The following SLC43A3 variants were observed in gnomAD, a reference collection of about 807,000 sequenced individuals.
SLC43A3 encodes solute carrier family 43 member 3, also known as equilibrative nucleobase transporter 1.
Under a neutral mutation model 53.3 loss-of-function variants are expected in SLC43A3, and 33 were observed. That is an observed-to-expected ratio of 0.62 (90% CI 0.47 to 0.83). The LOEUF is 0.83. SLC43A3 is among the 40% of genes least tolerant of loss of function. The pLI is 0.00. For missense variants in SLC43A3, 530 were observed against 610.0 expected, an observed-to-expected ratio of 0.87 and a Z score of 1.38; for synonymous variants, 236 against 246.2, an observed-to-expected ratio of 0.96 and a Z score of 0.39.
intron 7 of SLC43A3, among the ~76,000 whole-genome samples, chr11:57,420,552 A>G (rs939875366): frequency 6.6e-6 from 1 of 152,198 alleles, no homozygotes; most frequent in Non-Finnish European, 1.5e-5. Flanking sequence ...GGACAGCTGG[A>G]CAAGCCTCTG....
Position 57,407,663 on chromosome 11 carries a change from T to A in SLC43A3, c.*129A>T. On this transcript the variant is annotated 3_prime_UTR_variant, in exon 14 of 14. Transcript: ENST00000395124. ...GCGCAGACGTCCTTGTGTGTCTTTA[T>A]TTTGTGTGTGTGTGTGTGTGTGTGT... 1.8e-6 allele frequency: 1 copy of A among 554,814 alleles called. No individual in the cohort carries two copies. The highest frequency in any genetic ancestry group is 2.2e-5 in the South Asian group (1 of 44,602). 34.4% of individuals were successfully genotyped at this position (554,814 alleles called of 1,614,324 possible).
rs1343071994 is a variant in SLC43A3, at chr11:57,407,735, A to G, written c.*57T>C. ...AGTCTTTTGGGACACGAGGTCCTCA[A>G]AGGTGGTGGAAGATGAACAAAACCA... On this transcript the variant is annotated 3_prime_UTR_variant, in exon 14 of 14. Coordinates refer to ENST00000395124, the MANE Select transcript of SLC43A3 (RefSeq NM_199329.3). 2 of 1,060,878 alleles carry G rather than the reference A, an allele frequency of 1.9e-6. No individual in the cohort carries two copies. Among genetic ancestry groups the G allele is most frequent in the Non-Finnish European group, 2.9e-6 (2 of 683,046 alleles). 65.7% of individuals were successfully genotyped at this position (1,060,878 alleles called of 1,614,324 possible).
intron 7 of SLC43A3, among the ~76,000 whole-genome samples, chr11:57,420,599 C>G (rs1042440552): frequency 2.6e-5 from 4 of 152,200 alleles, no homozygotes; most frequent in African/African-American, 9.7e-5. Flanking sequence ...CACTTGCCAC[C>G]TTCTTGTCCA....
In SLC43A3 at chr11:57,416,665, C is replaced by A. The variant is rs371678588; in HGVS notation, c.677G>T (p.Cys226Phe). ...PLPPNYSYGL[C>F]PGNGTTKEEK... is the part of the protein sequence containing the mutation. Reference sequence around the variant, plus strand: ...TTCCTTTGTGGTGCCATTCCCAGGGCACAGGCTATGGAAACAAAAGCCCCA... The same window carrying A: ...TTCCTTTGTGGTGCCATTCCCAGGGAACAGGCTATGGAAACAAAAGCCCCA... Residue 226 changes from cysteine (C) to phenylalanine (F), a missense_variant, in exon 9 of 14, where the codon TGC (cysteine) becomes TTC (phenylalanine). By Grantham distance (205) the Cys-to-Phe change is radical. Transcript: ENST00000395124. 2 of 1,613,836 alleles carry A rather than the reference C, an allele frequency of 1.2e-6. No homozygotes were observed. Among genetic ancestry groups the A allele is most frequent in the Non-Finnish European group, 1.7e-6 (2 of 1,179,912 alleles).
intron 13 of SLC43A3, 41 bp from the exon 14 acceptor site, chr11:57,407,937 G>A (rs768451506): frequency 1.5e-6 from 2 of 1,328,628 alleles, no homozygotes; most frequent in East Asian, 2.3e-5. Flanking sequence ...CAGGAATTCT[G>A]AACAACAGAA....
At chr11:57,414,859 T>TACAG in intron 10 of SLC43A3, 74 bp downstream of exon 10, 1 of 1,574,402 alleles carries the variant, frequency 6.4e-7, no homozygotes. Context: ...CTCTGGTGTG[T>TACAG]ACAGCCCTGC....
chr11:57,421,145 C>CTCCTTATACCCAAACTCACCTCAA, intron 6 of SLC43A3, 81 bp from the exon 7 acceptor site: 1 of 1,259,686 alleles, frequency 7.9e-7, no homozygotes, highest in Non-Finnish European at 1.2e-6. Flanking sequence ...GTGGCAGACC[C>CTCCTTATACCCAAACTCACCTCAA]TCCTTATACC....
At chr11:57,416,533 T>C in intron 9 of SLC43A3, 40 bp downstream of exon 9, 2 of 1,530,136 alleles carry the variant, frequency 1.3e-6, no homozygotes, top group Non-Finnish European at 1.8e-6. Context: ...AAGGAGAGGC[T>C]TGGGTCTGGA....
chr11:57,417,733 C>T lies in SLC43A3; in HGVS notation c.671+15G>A, dbSNP rs1315514136. The T allele has an allele frequency of 3.7e-6, 6 of 1,613,906 alleles. No individual in the cohort carries two copies. The highest frequency in any genetic ancestry group is 1.7e-5 in the Admixed American group (1 of 59,996). ...AATGAGGGGCTCTGGCCCACAATCA[C>T]CAGATAGTCCTTACCCATAGCTGTA... On this transcript the variant is annotated intron_variant, in intron 8 of 13. Coordinates refer to ENST00000395124, the MANE Select transcript of SLC43A3 (RefSeq NM_199329.3).
At chr11:57,419,591 A>G (rs1319489454) in intron 7 of SLC43A3, among the ~76,000 whole-genome samples, 2 of 152,156 alleles carry the variant, frequency 1.3e-5, no homozygotes, top group African/African-American at 4.8e-5. Context: ...TGAGGTCAAG[A>G]GTTCAAGACC....
chr11:57,408,672 G>A (rs1470106771), intron 13 of SLC43A3: 1 of 155,296 alleles, frequency 6.4e-6, no homozygotes, highest in Admixed American at 6.2e-5. Context: ...GGCAAATAGA[G>A]CTGTGCAGTA....
chr11:57,411,979 TA>T (rs1324152991), intron 11 of SLC43A3, among the ~76,000 whole-genome samples: 1 of 152,060 alleles, frequency 6.6e-6, no homozygotes, highest in African/African-American at 2.4e-5. Flanking sequence ...GTATTTATGA[TA>T]TTTTTCTTAT....
intron 11 of SLC43A3, among the ~76,000 whole-genome samples, chr11:57,413,910 TC>T (rs1483629856): frequency 6.6e-6 from 1 of 152,172 alleles, no homozygotes; most frequent in African/African-American, 2.4e-5. Flanking sequence ...TACTCATCCT[TC>T]AGGTCTTGGC....
rs564824714 is a variant in SLC43A3, at chr11:57,414,571, CTTCCTGGT to C, written c.1060+36_1060+43del. 2.8e-4 allele frequency: 305 copies of C among 1,081,048 alleles called. 1 individual carries two copies. The South Asian group carries it at 3.6e-3, about 13-fold the overall frequency. The allele number at this position is 1,081,048 out of a possible 1,614,324, so 67.0% of individuals were successfully genotyped here. ...TGTCATGGGGTAAATGAAGACCTCC[CTTCCTGGT>C]TCCCTGACCAGCCCCTGCCCTCCCC... On this transcript the variant is annotated intron_variant, in intron 11 of 13. Coordinates refer to ENST00000395124, the MANE Select transcript of SLC43A3 (RefSeq NM_199329.3).
At position 57,426,141 on chromosome 11, in the gene SLC43A3, G is replaced by A; in HGVS notation, c.32C>T (p.Ala11Val). The change falls in exon 3 of 14, where the codon GCC becomes GTC. Residue 11 changes from alanine (A) to valine (V), a missense_variant. By Grantham distance (64) the Ala-to-Val change is moderately conservative. Transcript: ENST00000395124. ...TTCCAGCAGCCCAGTCAGCAGTGTG[G>A]CCACGTGCAGGGGCAGGCCCTGGCC... MAGQGLPLHV[A>V]TLLTGLLECL... 16 of 1,614,182 alleles carry A rather than the reference G, an allele frequency of 9.9e-6. No homozygotes were observed. The highest frequency in any genetic ancestry group is 1.4e-5 in the Non-Finnish European group (16 of 1,180,018).
chr11:57,425,480 AG>A, intron 4 of SLC43A3, 60 bp downstream of exon 4: 1 of 1,568,288 alleles, frequency 6.4e-7, no homozygotes. Flanking sequence ...ACTCCAAGCT[AG>A]GCTGCTGCCT....
rs375000008 is a variant in SLC43A3, at chr11:57,421,035, C to T, written c.468G>A (p.Ser156=). ...QIGNLFGQHR[S]TIITLYNGAF... is the part of the protein sequence containing the mutation. ...CTCCATTGTACAGAGTGATGATGGTCGAACGGTGTTGGCCAAATAGGTTCC... is the reference window on the plus strand; with the variant it reads ...CTCCATTGTACAGAGTGATGATGGTTGAACGGTGTTGGCCAAATAGGTTCC... The change falls in exon 7 of 14, where the codon TCG becomes TCA. Residue 156 remains serine (S), a synonymous_variant. Coordinates refer to ENST00000395124, the MANE Select transcript of SLC43A3 (RefSeq NM_199329.3). 1.7e-5 allele frequency: 27 copies of T among 1,613,740 alleles called. No homozygotes were observed. The highest frequency in any genetic ancestry group is 1.7e-5 in the Admixed American group (1 of 60,002).
intron 5 of SLC43A3, among the ~76,000 whole-genome samples, chr11:57,423,480 G>GT (rs1261307688): frequency 6.6e-6 from 1 of 152,202 alleles, no homozygotes; most frequent in Non-Finnish European, 1.5e-5. Context: ...CCAGGCTGGA[G>GT]TGCAATGGTG....
chr11:57,424,144 G>T, intron 4 of SLC43A3, 116 bp from the exon 5 acceptor site: 3 of 969,004 alleles, frequency 3.1e-6, no homozygotes, highest in South Asian at 1.4e-5. Flanking sequence ...CCCTCAGCCT[G>T]GGATGCAACG....
Sources: allele counts gnomAD v4.1 joint callset (sites outside exome capture counted in the v4.1 genomes callset), GRCh38; gene constraint gnomAD v4.1.1; transcripts MANE v1.5; gene names NCBI Gene and HGNC (gene_info 2026-07-23, HGNC 2026-07-21).